Variants in MARCHF6 observed in about 807,000 individuals in gnomAD.
The protein encoded by MARCHF6 is E3 ubiquitin-protein ligase MARCHF6.
A neutral mutation model predicts 133.7 loss-of-function variants in MARCHF6; 31 were observed. The observed-to-expected ratio is 0.23, with a 90% CI of 0.17 to 0.31. The LOEUF (loss-of-function observed/expected upper bound fraction) is 0.31. MARCHF6 is among the 10% of genes least tolerant of loss of function. The pLI, the probability that MARCHF6 is intolerant of heterozygous loss-of-function variation, is 1.00. For missense variants in MARCHF6, 723 were observed against 1,121.6 expected, an observed-to-expected ratio of 0.64 and a Z score of 5.08; for synonymous variants, 395 against 402.5, an observed-to-expected ratio of 0.98 and a Z score of 0.22.
At position 10,433,708 on chromosome 5, in the gene MARCHF6, C is replaced by T; in HGVS notation, c.*24C>T. 2 of 1,583,724 alleles carry T rather than the reference C, an allele frequency of 1.3e-6. No individual in the cohort carries two copies. Among genetic ancestry groups the T allele is most frequent in the African/African-American group, 1.3e-5 (1 of 74,380 alleles). On this transcript the variant is annotated 3_prime_UTR_variant, in exon 26 of 26. Transcript: ENST00000274140. ...AAAGTAGTTGTCTCAACAACTTGACCTTCCCCTTTACATGTCCTTTTTTGT... is the reference window on the plus strand; with the variant it reads ...AAAGTAGTTGTCTCAACAACTTGACTTTCCCCTTTACATGTCCTTTTTTGT...
chr5:10,430,140 GAGGTGGGATTAGCA>G (rs1385473008), intron 25 of MARCHF6, 112 bp downstream of exon 25: 4 of 1,273,076 alleles, frequency 3.1e-6, no homozygotes, highest in Non-Finnish European at 4.3e-6. Flanking sequence ...GATATACTTG[GAGGTGGGATTAGCA>G]AGGTTTGCTG....
intron 1 of MARCHF6, among the ~76,000 whole-genome samples, chr5:10,374,276 C>T (rs1015766984): frequency 6.6e-6 from 1 of 152,160 alleles, no homozygotes; most frequent in African/African-American, 2.4e-5. Flanking sequence ...GTGCTGGCAG[C>T]CACGGTAATC....
chr5:10,399,728 C>A (rs890464930), intron 10 of MARCHF6, among the ~76,000 whole-genome samples: 2 of 152,142 alleles, frequency 1.3e-5, no homozygotes, highest in Admixed American at 6.6e-5. Context: ...CAGTTGGTTT[C>A]TTTGAATGAA....
In MARCHF6 at chr5:10,436,394, G is replaced by A. The variant is rs1042610132; in HGVS notation, c.*2710G>A. The A allele has an allele frequency of 6.6e-6, 1 of 152,094 alleles. No homozygotes were observed. Among genetic ancestry groups the A allele is most frequent in the Non-Finnish European group, 1.5e-5 (1 of 68,016 alleles). 9.4% of individuals were successfully genotyped at this position (152,094 alleles called of 1,614,324 possible). A position where few individuals can be genotyped will look rare whatever the true frequency, so the allele number is the denominator to read the frequency against. ...TAATATTTGCTTGGGTAGCATCCGG[G>A]TTTTAGTATTTAACCAAGAGCCTTT... On this transcript the variant is annotated 3_prime_UTR_variant, in exon 26 of 26. Coordinates refer to ENST00000274140, the MANE Select transcript of MARCHF6 (RefSeq NM_005885.4).
intron 4 of MARCHF6, 121 bp downstream of exon 4, chr5:10,382,064 A>G (rs1159616444): frequency 3.8e-6 from 4 of 1,049,248 alleles, no homozygotes; most frequent in East Asian, 5.2e-5. Context: ...TCAGAGTGTC[A>G]TGTATTAGGA....
chr5:10,376,473 G>A (rs1317558744), intron 1 of MARCHF6, among the ~76,000 whole-genome samples: 1 of 152,170 alleles, frequency 6.6e-6, no homozygotes, highest in African/African-American at 2.4e-5. Flanking sequence ...GAGGGTCCGC[G>A]GCTTCATTCT....
chr5:10,403,183 G>A (rs1286225617), intron 14 of MARCHF6, among the ~76,000 whole-genome samples: 1 of 152,126 alleles, frequency 6.6e-6, no homozygotes, highest in African/African-American at 2.4e-5. Flanking sequence ...AATAGAATCA[G>A]TATTAATAAA....
At chr5:10,376,899 G>A (rs1736818433) in intron 1 of MARCHF6, among the ~76,000 whole-genome samples, 1 of 152,202 alleles carries the variant, frequency 6.6e-6, no homozygotes, top group Non-Finnish European at 1.5e-5. Flanking sequence ...TAGGCTGAAA[G>A]TGTGCATTAA....
intron 1 of MARCHF6, among the ~76,000 whole-genome samples, chr5:10,356,941 T>C (rs1456612263): frequency 1.3e-5 from 2 of 152,228 alleles, no homozygotes; most frequent in African/African-American, 4.8e-5. Context: ...CTAAAGTTTC[T>C]TCAGTATTAA....
At chr5:10,395,111 TTC>T (rs1738113988) in intron 9 of MARCHF6, among the ~76,000 whole-genome samples, 1 of 152,214 alleles carries the variant, frequency 6.6e-6, no homozygotes, top group Admixed American at 6.5e-5. Context: ...AACTAATTCT[TTC>T]TAGTAACAGA....
Position 10,391,661 on chromosome 5 carries a change from G to A in MARCHF6, c.696G>A (p.Glu232=). The stretch of plus-strand genomic sequence containing the variant: ...CCCAGGATGACCAGGCAGAAGAGGA[G>A]GAGGAGGACAATGAGGAGGAAGATG... The part of the protein sequence containing the change: ...PDAQDDQAEE[E]EEDNEEEDDA... Residue 232 remains glutamate, a synonymous_variant, in exon 7 of 26, where the codon GAG becomes GAA. Coordinates refer to ENST00000274140, the MANE Select transcript of MARCHF6 (RefSeq NM_005885.4). The A allele has an allele frequency of 6.2e-7, 1 of 1,610,180 alleles. No individual in the cohort carries two copies. The highest frequency in any genetic ancestry group is 8.5e-7 in the Non-Finnish European group (1 of 1,178,410).
At position 10,411,416 on chromosome 5, in the gene MARCHF6, G is replaced by A. The variant is rs1739222186; in HGVS notation, c.1775G>A (p.Arg592Gln). ...CAAGTTAACAATAATCAGCATGCTC[G>A]AAATAACAACGCTATTCCTGTGGTG... is the stretch of plus-strand genomic sequence containing the variant. ...NQQVNNNQHA[R>Q]NNNAIPVVGE... Residue 592 changes from arginine to glutamine, a missense_variant, in exon 19 of 26, where the codon CGA becomes CAA. Transcript: ENST00000274140. The A allele has an allele frequency of 6.2e-7, 1 of 1,614,092 alleles. No homozygotes were observed.
In MARCHF6 at chr5:10,360,005, C is replaced by CA. The variant is rs981109946; in HGVS notation, c.19+6097dup. Among the ~76,000 whole-genome samples the CA allele has an allele frequency of 2.2e-4, 33 of 149,430 alleles. No homozygotes were observed. In the East Asian group the frequency reaches 2.5e-3, roughly 12 times the overall value. ...TGGGCAACAGAGCAAGACTCCGTCTCAAAAAAAAAGTAGTACAATATGTGT... is the reference window on the plus strand; with the variant it reads ...TGGGCAACAGAGCAAGACTCCGTCTCAAAAAAAAAAGTAGTACAATATGTGT... On this transcript the variant is annotated intron_variant, in intron 1 of 25. Coordinates refer to ENST00000274140, the MANE Select transcript of MARCHF6 (RefSeq NM_005885.4).
rs188272504 is a variant in MARCHF6 at position 10,380,587 on chromosome 5, G to C, written c.191-1213G>C. Among the ~76,000 whole-genome samples the C allele has an allele frequency of 6.8e-3, 1,032 of 152,242 alleles. 11 individuals carry two copies. The highest frequency in any genetic ancestry group is 0.023 in the African/African-American group (968 of 41,528). Reference sequence around the variant, plus strand: ...TTTAATGACTTGCTCTTGTATACCAGATATCCTATCGAAGTCAATGATCTG... The same window carrying C: ...TTTAATGACTTGCTCTTGTATACCACATATCCTATCGAAGTCAATGATCTG... On this transcript the variant is annotated intron_variant, in intron 3 of 25. Coordinates refer to ENST00000274140, the MANE Select transcript of MARCHF6 (RefSeq NM_005885.4).
At position 10,436,139 on chromosome 5, in the gene MARCHF6, C is replaced by T. The variant is rs1466398379; in HGVS notation, c.*2455C>T. 1 of 151,938 alleles carries T rather than the reference C, an allele frequency of 6.6e-6. No homozygotes were observed. Among genetic ancestry groups the T allele is most frequent in the Non-Finnish European group, 1.5e-5 (1 of 67,982 alleles). 9.4% of individuals were successfully genotyped at this position (151,938 alleles called of 1,614,324 possible). ...ATATCTGTTTTAACAGCAAGAGATC[C>T]TAGGCAGATACTTCAAAAGGTTAAA... On this transcript the variant is annotated 3_prime_UTR_variant, in exon 26 of 26. Coordinates refer to ENST00000274140, the MANE Select transcript of MARCHF6 (RefSeq NM_005885.4).
intron 8 of MARCHF6, 42 bp downstream of exon 8, chr5:10,394,185 A>C: frequency 7.7e-7 from 1 of 1,301,802 alleles, no homozygotes; most frequent in Non-Finnish European, 1.1e-6. Flanking sequence ...TTTTAATCCT[A>C]AAATATATTT....
rs1452486225 is a variant in MARCHF6, at chr5:10,353,874, C to T, written c.-25C>T. ...CCCGGCCGCGGGAGCCTCGTGGCTG[C>T]GTCACCGCCGCCCCCCCAGACAAGA... On this transcript the variant is annotated 5_prime_UTR_variant, in exon 1 of 26. Transcript: ENST00000274140. 2 of 1,558,946 alleles carry T rather than the reference C, an allele frequency of 1.3e-6. No individual in the cohort carries two copies. Among genetic ancestry groups the T allele is most frequent in the South Asian group, 1.2e-5 (1 of 85,428 alleles).
intron 1 of MARCHF6, among the ~76,000 whole-genome samples, chr5:10,358,091 A>G (rs1287784612): frequency 1.3e-5 from 2 of 151,890 alleles, no homozygotes; most frequent in African/African-American, 4.8e-5. Context: ...CCTCACTGAG[A>G]AGGAGCAAAG....
chr5:10,396,160 A>G (rs1363192658), intron 9 of MARCHF6, among the ~76,000 whole-genome samples: 2 of 152,352 alleles, frequency 1.3e-5, no homozygotes, highest in Admixed American at 6.5e-5. Context: ...TTCAGTGCCT[A>G]TGAATTCAAT....
Sources: allele counts gnomAD v4.1 joint callset (sites outside exome capture counted in the v4.1 genomes callset), GRCh38; gene constraint gnomAD v4.1.1; transcripts MANE v1.5; gene names NCBI Gene and HGNC (gene_info 2026-07-23, HGNC 2026-07-21).